The following ZNF567 variants were observed in gnomAD, a reference collection of about 807,000 sequenced individuals.
The protein encoded by ZNF567 is zinc finger protein 567.
ZNF567 carries 36 observed loss-of-function variants against 53.9 expected under a neutral mutation model. The observed-to-expected ratio is 0.67, with a 90% CI of 0.51 to 0.88. The LOEUF is 0.88. ZNF567 is among the 40% of genes least tolerant of loss of function. ZNF567 has a pLI of 0.00. For missense variants in ZNF567, 619 were observed against 764.7 expected (o/e 0.81, Z 2.25); for synonymous variants, 224 against 260.4 (o/e 0.86, Z 1.35).
intron 1 of ZNF567, among the ~76,000 whole-genome samples, chr19:36,689,006 G>A (rs2038434936): frequency 6.6e-6 from 1 of 151,656 alleles, no homozygotes; most frequent in Non-Finnish European, 1.5e-5. Context: ...GCTGAGGCAG[G>A]GGAATCGCTT....
At chr19:36,691,769 A>AAG (rs1568682947) in intron 2 of ZNF567, among the ~76,000 whole-genome samples, 1 of 151,970 alleles carries the variant, frequency 6.6e-6, no homozygotes, top group Non-Finnish European at 1.5e-5. Flanking sequence ...CAATTAGTAA[A>AAG]CTGTAGCTGG....
At chr19:36,711,494 C>G (rs1027449679) in intron 3 of ZNF567, 8 of 152,166 alleles carry the variant, frequency 5.3e-5, no homozygotes, top group Non-Finnish European at 4.4e-5. Flanking sequence ...TTCCAGTTTC[C>G]GCCTGCTTTG....
the ZNF567 span, among the ~76,000 whole-genome samples, chr19:36,680,167 ATATATACAAT>A: frequency 1.3e-5 from 2 of 152,228 alleles, no homozygotes; most frequent in South Asian, 2.1e-4. Context: ...TGTTGTACAA[ATATATACAAT>A]TATTACTTGT....
intron 1 of ZNF567, among the ~76,000 whole-genome samples, chr19:36,689,025 A>G (rs1484871518): frequency 1.3e-5 from 2 of 152,028 alleles, no homozygotes; most frequent in African/African-American, 2.4e-5. Context: ...TTGAACTCGG[A>G]GGTGGAAGTT....
intron 5 of ZNF567, among the ~76,000 whole-genome samples, chr19:36,716,750 G>C (rs965718229): frequency 2.0e-5 from 3 of 152,182 alleles, no homozygotes; most frequent in African/African-American, 7.2e-5. Context: ...ACCTACTCAT[G>C]CTGTGTCCCT....
intron 3 of ZNF567, among the ~76,000 whole-genome samples, chr19:36,698,267 T>C (rs1340537408): frequency 6.6e-6 from 1 of 152,050 alleles, no homozygotes; most frequent in African/African-American, 2.4e-5. Flanking sequence ...TCATTTTTTA[T>C]GGCTGCATAG....
intron 2 of ZNF567, among the ~76,000 whole-genome samples, chr19:36,692,192 G>A (rs562419081): frequency 1.3e-5 from 2 of 152,182 alleles, no homozygotes; most frequent in Admixed American, 6.5e-5. Flanking sequence ...TTGATGGGTC[G>A]TTTAAACAAT....
intron 4 of ZNF567, 52 bp from the exon 5 acceptor site, chr19:36,712,729 T>A: frequency 6.4e-7 from 1 of 1,558,956 alleles, no homozygotes; most frequent in Non-Finnish European, 8.8e-7. Context: ...CTTTCCTCAT[T>A]TTTCAGTGGT....
At chr19:36,690,852 C>T (rs1446779898) in intron 2 of ZNF567, among the ~76,000 whole-genome samples, 3 of 152,160 alleles carry the variant, frequency 2.0e-5, no homozygotes, top group Non-Finnish European at 4.4e-5. Flanking sequence ...GGCTAGGCCA[C>T]CTCTGCAATG....
At chr19:36,716,722 C>T (rs1367085070) in intron 5 of ZNF567, among the ~76,000 whole-genome samples, 1 of 152,200 alleles carries the variant, frequency 6.6e-6, no homozygotes, top group African/African-American at 2.4e-5. Flanking sequence ...CATATACTAG[C>T]AAGTTCCTTT....
chr19:36,688,546 G>A (rs1000444800), intron 1 of ZNF567, among the ~76,000 whole-genome samples: 1 of 151,942 alleles, frequency 6.6e-6, no homozygotes, highest in South Asian at 2.1e-4. Flanking sequence ...GGTGGCTCAC[G>A]CCTGTAATCC....
At chr19:36,715,503 A>ATTATT (rs1568711424) in intron 5 of ZNF567, among the ~76,000 whole-genome samples, 6 of 30,806 alleles carry the variant, frequency 1.9e-4, no homozygotes, top group East Asian at 1.1e-3. Flanking sequence ...TAATAATAAT[A>ATTATT]ATAATAATTA....
chr19:36,714,365 T>C, intron 5 of ZNF567: 1 of 378,992 alleles, frequency 2.6e-6, no homozygotes, highest in Non-Finnish European at 4.7e-6. Context: ...GGTTTCACCA[T>C]GTTGGCCAGG....
rs1373315172 is a variant in ZNF567 at position 36,719,338 on chromosome 19, C to G, written c.614C>G (p.Thr205Ser). The G allele has an allele frequency of 1.9e-6, 3 of 1,613,356 alleles. No homozygotes were observed. Among genetic ancestry groups the G allele is most frequent in the African/African-American group, 2.7e-5 (2 of 74,956 alleles). ...CTTATGCAGTATCAGAAAACGGAAA[C>G]TCCAGCACAGTCATTTGGATATAAT... ...EVLMQYQKTE[T>S]PAQSFGYNDC... Residue 205 changes from threonine to serine, a missense_variant, in exon 6 of 6, where the codon ACT becomes AGT. Coordinates refer to ENST00000682579, the MANE Select transcript of ZNF567 (RefSeq NM_001322917.1).
At chr19:36,706,628 A>G (rs1161063826) in intron 3 of ZNF567, among the ~76,000 whole-genome samples, 1 of 146,446 alleles carries the variant, frequency 6.8e-6, no homozygotes, top group African/African-American at 2.6e-5. Flanking sequence ...CATTCAAACT[A>G]TAGTATATGA....
chr19:36,703,503 T>C (rs1474062010), intron 3 of ZNF567, among the ~76,000 whole-genome samples: 1 of 152,162 alleles, frequency 6.6e-6, no homozygotes, highest in Non-Finnish European at 1.5e-5. Context: ...TACTGCTGTC[T>C]TTTTGTTTGT....
downstream of ZNF567, among the ~76,000 whole-genome samples, chr19:36,726,088 G>A (rs79824016): frequency 4.4e-3 from 664 of 151,994 alleles, 28 homozygotes; most frequent in East Asian, 0.06. Flanking sequence ...CTCCATTTGA[G>A]TTTATTTTAG....
At chr19:36,705,752 G>A (rs539750539) in intron 3 of ZNF567, among the ~76,000 whole-genome samples, 61 of 152,256 alleles carry the variant, frequency 4.0e-4, no homozygotes, top group Admixed American at 1.1e-3. Flanking sequence ...AATGACTGAA[G>A]GAAGAAAGTT....
intron 3 of ZNF567, among the ~76,000 whole-genome samples, chr19:36,704,706 G>A (rs1193212848): frequency 6.6e-6 from 1 of 152,102 alleles, no homozygotes; most frequent in Non-Finnish European, 1.5e-5. Context: ...TCAGGGTAAT[G>A]CTATCTCATA....
Sources: gnomAD v4.1 joint callset for allele counts (sites outside exome capture counted in the v4.1 genomes callset) on GRCh38, gnomAD v4.1.1 for gene constraint, MANE v1.5 for transcripts, NCBI Gene and HGNC (gene_info 2026-07-23, HGNC 2026-07-21) for gene names.